Variants in DNAH8 observed in about 807,000 individuals in gnomAD.
The protein encoded by DNAH8 is axonemal beta dynein heavy chain 8.
In DNAH8, 382 loss-of-function variants were observed where a neutral mutation model predicts 562.1. The observed-to-expected ratio is 0.68, with a 90% confidence interval of 0.63 to 0.74. The LOEUF is 0.74. Ranked by LOEUF, DNAH8 falls within the 30% of genes least tolerant of loss-of-function variation. The pLI, the probability that DNAH8 is intolerant of heterozygous loss-of-function variation, is 0.00. For missense variants in DNAH8, 5,203 were observed against 5,620.4 expected (o/e 0.93, Z 2.37); for synonymous variants, 1,881 against 1,919.4 (o/e 0.98, Z 0.52).
intron 63 of DNAH8, among the ~76,000 whole-genome samples, chr6:38,906,915 C>T (rs190589724): frequency 2.6e-5 from 4 of 152,246 alleles, no homozygotes; most frequent in Admixed American, 2.0e-4. Context: ...TTTTTGAGCA[C>T]GGACATGATG....
intron 76 of DNAH8, among the ~76,000 whole-genome samples, chr6:38,934,435 T>C (rs1449812472): frequency 2.6e-5 from 4 of 151,932 alleles, no homozygotes; most frequent in African/African-American, 9.7e-5. Context: ...CTACATTAGA[T>C]GTACAGATGA....
intron 11 of DNAH8, among the ~76,000 whole-genome samples, chr6:38,765,093 C>G (rs1766876810): frequency 6.6e-6 from 1 of 152,232 alleles, no homozygotes; most frequent in Admixed American, 6.5e-5. Flanking sequence ...GCCTCAGCCT[C>G]CCAAAGTGTT....
At chr6:39,026,426 C>G in intron 91 of DNAH8, 120 bp from the exon 92 acceptor site, 1 of 1,065,392 alleles carries the variant, frequency 9.4e-7, no homozygotes, top group Non-Finnish European at 1.3e-6. Flanking sequence ...GGCCTCAACT[C>G]CTTTTGAGAT....
intron 76 of DNAH8, 21 bp downstream of exon 76, chr6:38,932,014 A>G: frequency 6.7e-7 from 1 of 1,487,738 alleles, no homozygotes; most frequent in Non-Finnish European, 9.0e-7. Flanking sequence ...TCTCAAGGTA[A>G]AGAATTTCTG....
rs921351053 is a variant in DNAH8 at position 38,928,679 on chromosome 6, G to C, written c.11119-832G>C. Among the ~76,000 whole-genome samples the C allele has an allele frequency of 2.0e-5, 3 of 152,256 alleles. No homozygotes were observed. The East Asian group carries it at 5.8e-4, about 29-fold the overall frequency. The stretch of plus-strand genomic sequence containing the variant: ...ATTCTCCTAATCGCCTGTTGTCCCA[G>C]TGGATTCTTCCTTGCATCTTATGGT... On this transcript the variant is annotated intron_variant, in intron 74 of 92. Coordinates refer to ENST00000327475, the MANE Select transcript of DNAH8 (RefSeq NM_001206927.2).
intron 8 of DNAH8, among the ~76,000 whole-genome samples, chr6:38,744,726 GA>G (rs1336736178): frequency 2.6e-5 from 4 of 152,118 alleles, no homozygotes; most frequent in Non-Finnish European, 4.4e-5. Context: ...CTGAGTAGCT[GA>G]GACTACAGGC....
At chr6:39,026,489 C>A in intron 91 of DNAH8, 57 bp from the exon 92 acceptor site, 1 of 1,544,756 alleles carries the variant, frequency 6.5e-7, no homozygotes, top group Non-Finnish European at 8.8e-7. Context: ...TTGCTTCCTT[C>A]TTGTTTTTAA....
At chr6:38,758,283 T>G (rs1313788684) in intron 10 of DNAH8, among the ~76,000 whole-genome samples, 1 of 151,940 alleles carries the variant, frequency 6.6e-6, no homozygotes, top group African/African-American at 2.4e-5. Context: ...TTATTCTCTT[T>G]GAAGCAATTG....
Position 39,030,312 on chromosome 6 carries a change from A to C in DNAH8, c.14044A>C (p.Thr4682Pro). 1 of 1,614,122 alleles carries C rather than the reference A, an allele frequency of 6.2e-7. No homozygotes were observed. ...KPRRTDLTFI[T>P]VVYLRTVLSP... ...CAGGCGAACTGATTTGACCTTCATC[A>C]CTGTGGTATATTTACGAACAGTGTT... is the stretch of plus-strand genomic sequence containing the variant. The change falls in exon 93 of 93, where the codon ACT becomes CCT. Residue 4682 changes from threonine (T) to proline (P), a missense_variant. Coordinates refer to ENST00000327475, the MANE Select transcript of DNAH8 (RefSeq NM_001206927.2).
At chr6:38,843,080 A>G (rs774381164) in intron 35 of DNAH8, among the ~76,000 whole-genome samples, 177 bp downstream of exon 35, 2 of 152,198 alleles carry the variant, frequency 1.3e-5, no homozygotes. Context: ...TTGTAACTCA[A>G]TGAGATTATA....
Position 38,886,663 on chromosome 6 carries a change from G to A in DNAH8, c.8260-128G>A, listed in dbSNP as rs926871188. 2.7e-5 allele frequency: 20 copies of A among 753,212 alleles called. No individual in the cohort carries two copies. The Middle Eastern group carries it at 9.2e-4, about 35-fold the overall frequency. The allele number at this position is 753,212 out of a possible 1,614,324, so 46.7% of individuals were successfully genotyped here. On this transcript the variant is annotated intron_variant, in intron 56 of 92. Coordinates refer to ENST00000327475, the MANE Select transcript of DNAH8 (RefSeq NM_001206927.2). Reference sequence around the variant, plus strand: ...TCAAATTACCTTGAAGGTGATCATCGACATTCACAAACACTTCATTGATAA... The same window carrying A: ...TCAAATTACCTTGAAGGTGATCATCAACATTCACAAACACTTCATTGATAA...
chr6:38,810,853 G>GTA (rs759668862), intron 24 of DNAH8, among the ~76,000 whole-genome samples: 8 of 152,108 alleles, frequency 5.3e-5, no homozygotes, highest in Admixed American at 1.3e-4. Context: ...TCTGTGAGAG[G>GTA]TAGACTCTTT....
At chr6:38,878,605 C>A (rs1778207033) in intron 53 of DNAH8, among the ~76,000 whole-genome samples, 1 of 152,086 alleles carries the variant, frequency 6.6e-6, no homozygotes, top group Admixed American at 6.5e-5. Flanking sequence ...AGAAGACATA[C>A]ATTACCATAG....
At chr6:38,904,424 G>A (rs768273588) in intron 62 of DNAH8, among the ~76,000 whole-genome samples, 1 of 152,190 alleles carries the variant, frequency 6.6e-6, no homozygotes, top group East Asian at 1.9e-4. Flanking sequence ...GCGATGGAGA[G>A]TGAGAAGAAG....
At chr6:38,976,181 G>A (rs777060499) in intron 85 of DNAH8, among the ~76,000 whole-genome samples, 4 of 152,228 alleles carry the variant, frequency 2.6e-5, no homozygotes, top group African/African-American at 9.7e-5. Flanking sequence ...CTGGACTTTC[G>A]TGCTTGCTGT....
intron 41 of DNAH8, among the ~76,000 whole-genome samples, chr6:38,854,559 C>T (rs9349100): frequency 0.41 from 61,974 of 151,880 alleles, 13,875 homozygotes; most frequent in East Asian, 0.84. Flanking sequence ...ATATAATACC[C>T]TGGGAAACTT....
intron 21 of DNAH8, among the ~76,000 whole-genome samples, chr6:38,800,676 C>T (rs113513460): frequency 1.3e-5 from 2 of 152,072 alleles, no homozygotes; most frequent in African/African-American, 4.8e-5. Context: ...GCCACCATGC[C>T]CGGTTAATGT....
At chr6:38,848,570 C>T in intron 36 of DNAH8, 78 bp from the exon 37 acceptor site, 2 of 1,164,320 alleles carry the variant, frequency 1.7e-6, no homozygotes, top group Admixed American at 2.3e-5. Flanking sequence ...AATATTTCTT[C>T]TGGAATTTAC....
intron 31 of DNAH8, among the ~76,000 whole-genome samples, chr6:38,833,532 A>G (rs1410527180): frequency 6.6e-6 from 1 of 152,228 alleles, no homozygotes; most frequent in Non-Finnish European, 1.5e-5. Context: ...AGACATAAGC[A>G]AATCTGAACA....
Sources: gnomAD v4.1 joint callset for allele counts (sites outside exome capture counted in the v4.1 genomes callset) on GRCh38, gnomAD v4.1.1 for gene constraint, MANE v1.5 for transcripts, NCBI Gene and HGNC (gene_info 2026-07-23, HGNC 2026-07-21) for gene names.